The following PCLO variants were observed in gnomAD, a reference collection of about 807,000 sequenced individuals.
PCLO encodes the protein protein piccolo.
A neutral mutation model predicts 427.5 loss-of-function variants in PCLO; 82 were observed. That is an observed-to-expected ratio of 0.19 (90% CI 0.16 to 0.23). PCLO has a LOEUF of 0.23. Ranked by LOEUF, PCLO falls within the 10% of genes least tolerant of loss-of-function variation. The pLI, the probability that PCLO is intolerant of heterozygous loss-of-function variation, is 1.00. For missense variants in PCLO, 6,239 were observed against 6,115.9 expected, an observed-to-expected ratio of 1.02 and a Z score of -0.67; for synonymous variants, 2,357 against 2,155.4, an observed-to-expected ratio of 1.09 and a Z score of -2.59.
rs745678025 is a variant in PCLO at position 82,815,999 on chromosome 7, A to T, written c.14791+6496T>A. Among the ~76,000 whole-genome samples the T allele has an allele frequency of 2.0e-5, 3 of 152,088 alleles. No individual in the cohort carries two copies. In the South Asian group the frequency reaches 6.2e-4, roughly 32 times the overall value. ...TTCGGATATAATTTGGTTTCATTTG[A>T]AAATTCATGTGTTTTTGGCTTTTTA... On this transcript the variant is annotated intron_variant, in intron 20 of 24. Transcript: ENST00000333891.
intron 3 of PCLO, among the ~76,000 whole-genome samples, chr7:83,010,763 T>C (rs943642892): frequency 4.0e-5 from 6 of 151,838 alleles, no homozygotes; most frequent in African/African-American, 1.4e-4. Context: ...AATATAATCA[T>C]GTCACTCTCC....
At position 83,156,384 on chromosome 7, in the gene PCLO, T is replaced by C. The variant is rs201898064; in HGVS notation, c.257A>G (p.Glu86Gly). Residue 86 changes from glutamate to glycine, a missense_variant, in exon 2 of 25, where the codon GAG becomes GGG. Coordinates refer to ENST00000333891, the MANE Select transcript of PCLO (RefSeq NM_033026.6). ...CTTTGGAGGATGACTACTATCCAAC[T>C]CTTGTTTCCTAGAAGAGTTAAAAAA... ...AESPSMHRKQ[E>G]LDSSHPPKQS... 2.0e-6 allele frequency: 3 copies of C among 1,518,866 alleles called. No individual in the cohort carries two copies. Among genetic ancestry groups the C allele is most frequent in the Non-Finnish European group, 2.7e-6 (3 of 1,121,228 alleles). The allele number at this position is 1,518,866 out of a possible 1,614,324, so 94.1% of individuals were successfully genotyped here. A position where few individuals can be genotyped will look rare whatever the true frequency, so the allele number is the denominator to read the frequency against.
rs1584029916 is a variant in PCLO, at chr7:82,837,002, G to T, written c.14222+1216C>A. On this transcript the variant is annotated intron_variant, in intron 15 of 24. Coordinates refer to ENST00000333891, the MANE Select transcript of PCLO (RefSeq NM_033026.6). ...GGGAATATGTAATTTGCTATTGATG[G>T]GTAGTATATTCTGTAAATACCAATT... Among the ~76,000 whole-genome samples, 7 of 152,060 alleles carry T rather than the reference G, an allele frequency of 4.6e-5. No homozygotes were observed. The South Asian group carries it at 1.5e-3, about 32-fold the overall frequency.
intron 10 of PCLO, among the ~76,000 whole-genome samples, chr7:82,847,940 G>C (rs1792547194): frequency 6.6e-6 from 1 of 152,100 alleles, no homozygotes; most frequent in Non-Finnish European, 1.5e-5. Flanking sequence ...ATTTGAACAA[G>C]GAACCCACAT....
At chr7:82,772,775 C>T (rs1335161864) in intron 22 of PCLO, among the ~76,000 whole-genome samples, 1 of 151,998 alleles carries the variant, frequency 6.6e-6, no homozygotes, top group East Asian at 1.9e-4. Context: ...GTATGTGCTT[C>T]TTAGCATTTA....
At chr7:82,967,244 C>T (rs1456765301) in intron 3 of PCLO, among the ~76,000 whole-genome samples, 6 of 143,508 alleles carry the variant, frequency 4.2e-5, no homozygotes, top group African/African-American at 1.0e-4. Flanking sequence ...GGTGCGATCT[C>T]GGCTCGCTGC....
At chr7:82,841,069 T>G (rs1176089459) in intron 14 of PCLO, among the ~76,000 whole-genome samples, 1 of 151,834 alleles carries the variant, frequency 6.6e-6, no homozygotes, top group Non-Finnish European at 1.5e-5. Context: ...CAAAAACTAT[T>G]CAGCAATTTT....
chr7:82,859,853 T>C (rs1792908604), intron 10 of PCLO, among the ~76,000 whole-genome samples: 1 of 152,126 alleles, frequency 6.6e-6, no homozygotes, highest in Non-Finnish European at 1.5e-5. Context: ...AGAATTCTAT[T>C]AGATAAATTT....
chr7:83,069,902 C>T (rs1447526714), intron 3 of PCLO, among the ~76,000 whole-genome samples: 1 of 150,910 alleles, frequency 6.6e-6, no homozygotes, highest in Non-Finnish European at 1.5e-5. Context: ...ACCTTCGAGC[C>T]CTGTGGTGGT....
intron 20 of PCLO, chr7:82,822,005 T>C (rs1791804111): frequency 1.0e-6 from 1 of 988,102 alleles, no homozygotes; most frequent in Non-Finnish European, 1.2e-6. Flanking sequence ...AAGTTGACTG[T>C]TGGTTGCATT....
chr7:82,988,657 C>A (rs1016414552), intron 3 of PCLO, among the ~76,000 whole-genome samples: 5 of 151,962 alleles, frequency 3.3e-5, no homozygotes, highest in Non-Finnish European at 5.9e-5. Flanking sequence ...TTTAACCATT[C>A]TTCAATTATG....
chr7:82,824,189 G>A (rs1442362664), intron 19 of PCLO, 47 bp downstream of exon 19: 7 of 1,336,388 alleles, frequency 5.2e-6, no homozygotes, highest in Non-Finnish European at 7.2e-6. Context: ...GATACAGACT[G>A]AACAAATAGA....
At chr7:83,000,634 C>T (rs997833901) in intron 3 of PCLO, among the ~76,000 whole-genome samples, 1 of 151,968 alleles carries the variant, frequency 6.6e-6, no homozygotes, top group Admixed American at 6.6e-5. Context: ...CAGTAGGGTT[C>T]ACACTCCTTT....
At chr7:82,832,764 T>C (rs1025470192) in intron 16 of PCLO, among the ~76,000 whole-genome samples, 5 of 151,364 alleles carry the variant, frequency 3.3e-5, no homozygotes, top group Non-Finnish European at 7.4e-5. Context: ...GTATTCATTT[T>C]TAATGATTTA....
chr7:82,911,522 C>T (rs1238203475), intron 7 of PCLO, among the ~76,000 whole-genome samples: 3 of 151,384 alleles, frequency 2.0e-5, no homozygotes, highest in East Asian at 1.9e-4. Flanking sequence ...TAGTACTGTC[C>T]GCAGGCTACA....
chr7:82,802,336 C>A (rs922944652), intron 21 of PCLO, among the ~76,000 whole-genome samples: 3 of 152,126 alleles, frequency 2.0e-5, no homozygotes, highest in Non-Finnish European at 4.4e-5. Flanking sequence ...ATAAACATGA[C>A]ATATTAACAG....
intron 8 of PCLO, among the ~76,000 whole-genome samples, chr7:82,903,849 A>T (rs1794118490): frequency 6.6e-6 from 1 of 151,980 alleles, no homozygotes; most frequent in African/African-American, 2.4e-5. Context: ...GTGAAGAAAG[A>T]TTCCTTAGAA....
At chr7:82,859,107 T>G (rs992517413) in intron 10 of PCLO, among the ~76,000 whole-genome samples, 4 of 152,152 alleles carry the variant, frequency 2.6e-5, no homozygotes, top group African/African-American at 9.7e-5. Context: ...CCAGGTAGAC[T>G]TCTAAGATTT....
Position 82,760,695 on chromosome 7 carries a change from G to T in PCLO, c.15232C>A (p.Pro5078Thr). 2 of 1,603,026 alleles carry T rather than the reference G, an allele frequency of 1.2e-6. No homozygotes were observed. Among genetic ancestry groups the T allele is most frequent in the Non-Finnish European group, 1.7e-6 (2 of 1,173,116 alleles). Residue 5078 changes from proline to threonine, a missense_variant, in exon 24 of 25, where the codon CCT becomes ACT. Coordinates refer to ENST00000333891, the MANE Select transcript of PCLO (RefSeq NM_033026.6). ...AATCGAAAAGTTTCATTAAACGAAG[G>T]CTCTCGATCATGTCTGCATACTCTT... is the stretch of plus-strand genomic sequence containing the variant. The part of the protein sequence containing the change: ...KTRVCRHDRE[P>T]SFNETFRFSL...
Sources: gnomAD v4.1 joint callset for allele counts (sites outside exome capture counted in the v4.1 genomes callset) on GRCh38, gnomAD v4.1.1 for gene constraint, MANE v1.5 for transcripts, NCBI Gene and HGNC (gene_info 2026-07-23, HGNC 2026-07-21) for gene names.